Variants in TRIO observed in about 807,000 individuals in gnomAD.
TRIO encodes triple functional domain protein.
A neutral mutation model predicts 351.9 loss-of-function variants in TRIO; 58 were observed. The ratio of observed to expected loss-of-function variants is 0.16; its 90% confidence interval spans 0.13 to 0.21. The LOEUF is 0.21. Ranked by LOEUF, TRIO falls within the 10% of genes least tolerant of loss-of-function variation. The pLI is 1.00. For synonymous variants in TRIO, 1,758 were observed against 1,595.7 expected, an observed-to-expected ratio of 1.10 and a Z score of -2.42; for missense variants, 3,201 against 4,027.8, an observed-to-expected ratio of 0.79 and a Z score of 5.56.
intron 26 of TRIO, 65 bp from the exon 27 acceptor site, chr5:14,390,836 A>T: frequency 7.3e-7 from 1 of 1,377,906 alleles, no homozygotes. Flanking sequence ...TCTTTTCTAT[A>T]TGAAAGTTTA....
intron 1 of TRIO, among the ~76,000 whole-genome samples, chr5:14,215,035 TTAC>T (rs1479837237): frequency 7.9e-5 from 12 of 152,230 alleles, no homozygotes; most frequent in African/African-American, 2.9e-4. Flanking sequence ...TATTTGGTGT[TTAC>T]CATGTGTAAT....
At chr5:14,492,537 C>G in intron 48 of TRIO, 30 bp from the exon 49 acceptor site, 2 of 1,609,062 alleles carry the variant, frequency 1.2e-6, no homozygotes, top group Non-Finnish European at 1.7e-6. Flanking sequence ...TCCTCCCTGC[C>G]TTTCTCTGTC....
chr5:14,256,369 A>C (rs571481162), intron 1 of TRIO, among the ~76,000 whole-genome samples: 5 of 152,180 alleles, frequency 3.3e-5, no homozygotes, highest in Non-Finnish European at 5.9e-5. Context: ...TCACATTTCA[A>C]CACGAGATTT....
intron 11 of TRIO, among the ~76,000 whole-genome samples, chr5:14,347,968 C>T (rs767916460): frequency 5.3e-5 from 8 of 152,196 alleles, no homozygotes; most frequent in Non-Finnish European, 1.5e-5. Flanking sequence ...TAGGTGGCAA[C>T]AGCATGTGTT....
intron 1 of TRIO, among the ~76,000 whole-genome samples, chr5:14,180,847 C>CA (rs34473680): frequency 1.8e-3 from 249 of 139,134 alleles, no homozygotes; most frequent in African/African-American, 4.9e-3. Flanking sequence ...AGTGCCCCCA[C>CA]AAAAAAAAAA....
intron 1 of TRIO, among the ~76,000 whole-genome samples, chr5:14,164,060 T>C (rs928256176): frequency 1.3e-5 from 2 of 152,186 alleles, no homozygotes; most frequent in African/African-American, 2.4e-5. Flanking sequence ...CTTATACTAA[T>C]GGGGGTTTCT....
At position 14,487,510 on chromosome 5, in the gene TRIO, C is replaced by T. The variant is rs1561547034; in HGVS notation, c.6882C>T (p.Gly2294=). The T allele has an allele frequency of 1.0e-6, 1 of 967,354 alleles. No individual in the cohort carries two copies. Among genetic ancestry groups the T allele is most frequent in the Non-Finnish European group, 1.3e-6 (1 of 780,746 alleles). The allele number at this position is 967,354 out of a possible 1,614,324, so 59.9% of individuals were successfully genotyped here. Residue 2294 remains glycine, a synonymous_variant, in exon 48 of 57, where the codon GGC becomes GGT. Coordinates refer to ENST00000344204, the MANE Select transcript of TRIO (RefSeq NM_007118.4). ...ACCAGAGGAACCACAGCGGGGGCGG[C>T]GGCGGCGGCGGCAGCGGGGGCAGCG... ...IEYQRNHSGG[G]GGGGSGGSGG... is the part of the protein sequence containing the mutation.
Position 14,488,084 on chromosome 5 carries a change from T to C in TRIO, c.7456T>C (p.Trp2486Arg). 6 of 1,609,886 alleles carry C rather than the reference T, an allele frequency of 3.7e-6. No homozygotes were observed. In the East Asian group the frequency reaches 6.7e-5, roughly 18 times the overall value. The change falls in exon 48 of 57, where the codon TGG becomes CGG. Residue 2486 changes from tryptophan to arginine, a missense_variant. Trp to Arg is a moderately radical substitution (Grantham distance 101, BLOSUM62 -3). Around this residue, in one of 19 missense-constraint regions of TRIO, gnomAD observed 1,089 missense variants for 954.9 expected, o/e 1.14. Transcript: ENST00000344204. ...CCCCCTGCAGAAGGGGGGCTCCTTC[T>C]GGAGCTCCATCCCCGCCTCCCCCGC... ...SSPLQKGGSF[W>R]SSIPASPASR...
rs1278122296 is a variant in TRIO at position 14,497,639 on chromosome 5, T to C, written c.8020-208T>C. On this transcript the variant is annotated intron_variant, in intron 50 of 56. Coordinates refer to ENST00000344204, the MANE Select transcript of TRIO (RefSeq NM_007118.4). The surrounding 1 kb of genome is among the most constrained non-coding windows in gnomAD (Gnocchi z 4.4). The stretch of plus-strand genomic sequence containing the variant: ...AAAAACACACATCTAAGCAGTGTTT[T>C]TGTGTTTGTGGGTAGGAAGAAAAAG... Among the ~76,000 whole-genome samples, 3 of 152,144 alleles carry C rather than the reference T, an allele frequency of 2.0e-5. No homozygotes were observed. The highest frequency in any genetic ancestry group is 2.9e-5 in the Non-Finnish European group (2 of 68,028).
At chr5:14,492,409 C>T in intron 48 of TRIO, 158 bp from the exon 49 acceptor site, 1 of 909,616 alleles carries the variant, frequency 1.1e-6, no homozygotes, top group South Asian at 1.8e-5. Flanking sequence ...CACAGTTAGC[C>T]AGAGGGTAAA....
chr5:14,460,327 C>T (rs992951002), intron 34 of TRIO, among the ~76,000 whole-genome samples: 9 of 152,282 alleles, frequency 5.9e-5, no homozygotes, highest in South Asian at 2.1e-4. Flanking sequence ...GGTGTGCCGC[C>T]GTGGCCTGGC....
rs1744361756 is a variant in TRIO, at chr5:14,363,794, A to G, written c.2454A>G (p.Thr818=). 12 of 1,614,228 alleles carry G rather than the reference A, an allele frequency of 7.4e-6. No homozygotes were observed. Among genetic ancestry groups the G allele is most frequent in the Non-Finnish European group, 8.5e-6 (10 of 1,180,054 alleles). Residue 818 remains threonine (T), a synonymous_variant, in exon 14 of 57, where the codon ACA becomes ACG. Transcript: ENST00000344204. ...ELSQQMNDFD[T]EDLTIAEQRL... is the part of the protein sequence containing the mutation. Reference sequence around the variant, plus strand: ...CTCAGCAAATGAATGACTTCGACACAGAAGATCTCACGATTGCAGAGCAGC... The same window carrying G: ...CTCAGCAAATGAATGACTTCGACACGGAAGATCTCACGATTGCAGAGCAGC...
At chr5:14,336,921 G>A (rs1332253269) in intron 11 of TRIO, among the ~76,000 whole-genome samples, 194 bp downstream of exon 11, 5 of 152,176 alleles carry the variant, frequency 3.3e-5, no homozygotes, top group South Asian at 2.1e-4. Context: ...TGTTTTGTGA[G>A]CGCATGGCTG....
At chr5:14,159,539 T>C (rs943004695) in intron 1 of TRIO, among the ~76,000 whole-genome samples, 3 of 152,094 alleles carry the variant, frequency 2.0e-5, no homozygotes, top group African/African-American at 7.2e-5. Context: ...TCGGTGTCAT[T>C]GTTTTTCTGC....
chr5:14,415,586 G>A (rs912275302), intron 33 of TRIO, among the ~76,000 whole-genome samples: 13 of 152,210 alleles, frequency 8.5e-5, no homozygotes, highest in Admixed American at 2.6e-4. Context: ...TTTCTTTGGA[G>A]AACATGAAAA....
At chr5:14,460,942 C>T (rs754212100) in intron 34 of TRIO, 77 bp from the exon 35 acceptor site, 14 of 1,437,054 alleles carry the variant, frequency 9.7e-6, no homozygotes, top group Middle Eastern at 1.8e-4. Flanking sequence ...TCCCTGCAGC[C>T]TGCGGGATAA....
At chr5:14,211,081 C>A (rs73748685) in intron 1 of TRIO, among the ~76,000 whole-genome samples, 1 of 152,142 alleles carries the variant, frequency 6.6e-6, no homozygotes, top group Non-Finnish European at 1.5e-5. Flanking sequence ...AAATAATAAT[C>A]ATAATAAAAG....
At chr5:14,154,909 G>T (rs993213616) in intron 1 of TRIO, among the ~76,000 whole-genome samples, 9 of 152,044 alleles carry the variant, frequency 5.9e-5, no homozygotes, top group Admixed American at 4.6e-4. Flanking sequence ...AATTCTTTCC[G>T]TTTGAAGATT....
intron 10 of TRIO, among the ~76,000 whole-genome samples, chr5:14,335,933 C>G (rs531831847): frequency 2.6e-5 from 4 of 152,258 alleles, no homozygotes; most frequent in African/African-American, 7.2e-5. Context: ...CCACTGCACT[C>G]CAGCCTGGGC....
Sources: gnomAD v4.1 joint callset for allele counts (sites outside exome capture counted in the v4.1 genomes callset) on GRCh38, gnomAD v4.1.1 for gene constraint, gnomAD v4.1.1 regional missense constraint, Gnocchi (gnomAD v3.1) non-coding constraint, MANE v1.5 for transcripts, NCBI Gene and HGNC (gene_info 2026-07-23, HGNC 2026-07-21) for gene names.